CTIF: variants seen among roughly 807,000 people sequenced by gnomAD.
CTIF encodes cap binding complex dependent translation initiation factor.
Under a neutral mutation model 66.0 loss-of-function variants are expected in CTIF, and 21 were observed. The observed-to-expected ratio is 0.32, with a 90% CI of 0.23 to 0.46. The LOEUF is 0.46. Among genes scored for constraint, CTIF ranks in the 20% least tolerant of loss-of-function variants. The probability of loss-of-function intolerance (pLI) is 1.00; values close to 1 mark genes in which losing one functional copy is unlikely to be tolerated. For synonymous variants in CTIF, 345 were observed against 326.4 expected, an observed-to-expected ratio of 1.06 and a Z score of -0.62; for missense variants, 739 against 812.7, an observed-to-expected ratio of 0.91 and a Z score of 1.10.
At chr18:48,611,744 G>A (rs944992182) in intron 1 of CTIF, among the ~76,000 whole-genome samples, 1 of 152,196 alleles carries the variant, frequency 6.6e-6, no homozygotes, top group Non-Finnish European at 1.5e-5. Flanking sequence ...TCATGGGTAG[G>A]TGAAACAAAA....
rs1226021396 is a variant in CTIF at position 48,797,492 on chromosome 18, A to AGGG, written c.1372-19727_1372-19725dup. On this transcript the variant is annotated intron_variant, in intron 9 of 11. Coordinates refer to ENST00000256413, the MANE Select transcript of CTIF (RefSeq NM_014772.3). The stretch of plus-strand genomic sequence containing the variant: ...AGCAAGACTCCATCCAAAAAAGAAA[A>AGGG]GGGGTGGGGGGGCAAGTTTCTGAGT... Among the ~76,000 whole-genome samples the AGGG allele has an allele frequency of 5.9e-3, 764 of 129,196 alleles. 8 individuals carry two copies. The highest frequency in any genetic ancestry group is 0.01 in the South Asian group (36 of 3,472). 84.8% of individuals were successfully genotyped at this position (129,196 alleles called of 152,430 possible).
intron 1 of CTIF, among the ~76,000 whole-genome samples, chr18:48,576,778 A>G (rs892742161): frequency 6.6e-6 from 1 of 152,202 alleles, no homozygotes; most frequent in African/African-American, 2.4e-5. Context: ...AAATTCTCCT[A>G]TTTACACCGT....
chr18:48,616,920 G>A (rs913168430), intron 1 of CTIF, among the ~76,000 whole-genome samples: 2 of 152,224 alleles, frequency 1.3e-5, no homozygotes, highest in African/African-American at 4.8e-5. Context: ...AGAGCGTCCT[G>A]TGTTCATTTT....
intron 1 of CTIF, among the ~76,000 whole-genome samples, chr18:48,576,496 C>T (rs190307601): frequency 4.6e-5 from 7 of 152,370 alleles, no homozygotes; most frequent in African/African-American, 7.2e-5. Flanking sequence ...ACTCTGCTCA[C>T]GTTGAGAGTC....
intron 9 of CTIF, among the ~76,000 whole-genome samples, chr18:48,782,461 C>A (rs527453430): frequency 6.6e-6 from 1 of 152,302 alleles, no homozygotes; most frequent in East Asian, 1.9e-4. Flanking sequence ...GGAAATCAGC[C>A]CTCTCTGATG....
At chr18:48,664,417 C>T in intron 4 of CTIF, 30 bp from the exon 5 acceptor site, 1 of 1,588,100 alleles carries the variant, frequency 6.3e-7, no homozygotes, top group Non-Finnish European at 8.6e-7. Context: ...GCCCTCTTGC[C>T]TCCGTTTCTC....
At chr18:48,747,113 A>G (rs1349780325) in intron 7 of CTIF, among the ~76,000 whole-genome samples, 1 of 152,160 alleles carries the variant, frequency 6.6e-6, no homozygotes, top group African/African-American at 2.4e-5. Context: ...GTTTGATCAG[A>G]TTTTAGGATT....
At chr18:48,783,533 A>G (rs1223823625) in intron 9 of CTIF, among the ~76,000 whole-genome samples, 1 of 152,172 alleles carries the variant, frequency 6.6e-6, no homozygotes. Context: ...CTCTCCTGGC[A>G]CTGAGGAGCC....
At chr18:48,743,801 A>G (rs907239244) in intron 7 of CTIF, among the ~76,000 whole-genome samples, 1 of 152,188 alleles carries the variant, frequency 6.6e-6, no homozygotes, top group East Asian at 1.9e-4. Context: ...TTAACACTTA[A>G]GAGTGTTTCC....
intron 9 of CTIF, among the ~76,000 whole-genome samples, chr18:48,762,803 C>T (rs949125062): frequency 2.6e-5 from 4 of 152,224 alleles, no homozygotes; most frequent in Non-Finnish European, 4.4e-5. Context: ...CCATGTGGTT[C>T]GCAGTCTGCC....
intron 7 of CTIF, among the ~76,000 whole-genome samples, chr18:48,720,501 C>T (rs2092324875): frequency 6.6e-6 from 1 of 152,102 alleles, no homozygotes; most frequent in Admixed American, 6.5e-5. Context: ...AAGGAAATTG[C>T]CCTCATTAAG....
intron 10 of CTIF, among the ~76,000 whole-genome samples, chr18:48,839,028 C>T (rs537439546): frequency 6.6e-6 from 1 of 152,346 alleles, no homozygotes; most frequent in East Asian, 1.9e-4. Flanking sequence ...CCGAGGCCAT[C>T]CCTGACTCAC....
chr18:48,694,606 G>A (rs1184832807), intron 6 of CTIF, among the ~76,000 whole-genome samples: 1 of 152,232 alleles, frequency 6.6e-6, no homozygotes. Context: ...ACCAATGGCT[G>A]CCCAATTTAA....
At chr18:48,692,419 C>T (rs2091943307) in intron 6 of CTIF, 1 of 152,204 alleles carries the variant, frequency 6.6e-6, no homozygotes, top group Non-Finnish European at 1.5e-5. Flanking sequence ...ATCTTGTCCT[C>T]TCCACCTCTC....
rs1300616355 is a variant in CTIF at position 48,761,835 on chromosome 18, AG to A, written c.1371+148del. ...GCCCGATTAATTATAGAAAACACAAAGGCAGTTAAGGGGCCAGGAATGAGCG... is the reference window on the plus strand; with the variant it reads ...GCCCGATTAATTATAGAAAACACAAAGCAGTTAAGGGGCCAGGAATGAGCG... On this transcript the variant is annotated intron_variant, in intron 9 of 11. Transcript: ENST00000256413. The surrounding 1 kb of genome is among the most constrained non-coding windows in gnomAD (Gnocchi z 4.2). 4.6e-5 allele frequency: 37 copies of A among 801,406 alleles called. No individual in the cohort carries two copies. Among genetic ancestry groups the A allele is most frequent in the Non-Finnish European group, 1.9e-6 (1 of 519,590 alleles). 49.6% of individuals were successfully genotyped at this position (801,406 alleles called of 1,614,324 possible).
At chr18:48,626,595 A>T (rs36182125) in intron 2 of CTIF, among the ~76,000 whole-genome samples, 22,609 of 138,554 alleles carry the variant, frequency 0.16, 1,833 homozygotes, top group Middle Eastern at 0.29. Context: ...ATCCCCTCCC[A>T]TGGCCTCCCA....
intron 3 of CTIF, chr18:48,662,118 G>A (rs1254879974): frequency 5.9e-5 from 9 of 152,348 alleles, no homozygotes; most frequent in Admixed American, 5.9e-4. Context: ...CTGCAGTTTG[G>A]GAGGCCAGAG....
intron 1 of CTIF, among the ~76,000 whole-genome samples, chr18:48,582,007 T>C (rs944615719): frequency 2.0e-5 from 3 of 151,874 alleles, no homozygotes; most frequent in African/African-American, 4.8e-5. Flanking sequence ...AGAGGGACCC[T>C]TATTGGACAG....
At chr18:48,832,284 A>C (rs2068709754) in intron 10 of CTIF, among the ~76,000 whole-genome samples, 1 of 147,400 alleles carries the variant, frequency 6.8e-6, no homozygotes, top group East Asian at 2.0e-4. Flanking sequence ...CAATCATCCC[A>C]CCTCAGCCCC....
Sources: allele counts gnomAD v4.1 joint callset (sites outside exome capture counted in the v4.1 genomes callset), GRCh38; gene constraint gnomAD v4.1.1; non-coding constraint Gnocchi (gnomAD v3.1); transcripts MANE v1.5; gene names NCBI Gene and HGNC (gene_info 2026-07-23, HGNC 2026-07-21).